Variants in GALNT13 observed in about 807,000 individuals in gnomAD.
GALNT13 encodes the protein UDP-GalNAc:polypeptide N-acetylgalactosaminyltransferase 13.
In GALNT13, 28 loss-of-function variants were observed where a neutral mutation model predicts 64.2. That is an observed-to-expected ratio of 0.44 (90% CI 0.32 to 0.60). GALNT13 has a LOEUF of 0.60. GALNT13 is among the 20% of genes least tolerant of loss of function. GALNT13 has a pLI of 0.05. For missense variants in GALNT13, 577 were observed against 669.8 expected (o/e 0.86, Z 1.53); for synonymous variants, 214 against 224.6 (o/e 0.95, Z 0.42).
At chr2:154,246,104 T>G (rs1689768999) in intron 7 of GALNT13, 122 bp downstream of exon 7, 7 of 557,486 alleles carry the variant, frequency 1.3e-5, no homozygotes, top group African/African-American at 1.9e-5. Flanking sequence ...TACATATACA[T>G]TATGACCTTT....
At chr2:153,645,923 A>T in the GALNT13 span, among the ~76,000 whole-genome samples, 2 of 152,122 alleles carry the variant, frequency 1.3e-5, no homozygotes, top group Admixed American at 1.3e-4. Context: ...TTTACACAAA[A>T]TGTTACTAAA....
chr2:153,759,076 A>G, the GALNT13 span, among the ~76,000 whole-genome samples: 3 of 152,110 alleles, frequency 2.0e-5, no homozygotes, highest in Non-Finnish European at 4.4e-5. Context: ...AATGAAATAT[A>G]TTTCTTCATT....
chr2:154,437,865 A>C (rs1475044699), intron 11 of GALNT13: 1 of 221,916 alleles, frequency 4.5e-6, no homozygotes, highest in Non-Finnish European at 9.4e-6. Context: ...AAAAAAAAAA[A>C]AAAAAACCCT....
the GALNT13 span, among the ~76,000 whole-genome samples, chr2:153,301,747 A>G: frequency 6.6e-6 from 1 of 152,074 alleles, no homozygotes; most frequent in African/African-American, 2.4e-5. Flanking sequence ...GTTCACACAT[A>G]AGTGAGGTTA....
chr2:154,050,243 T>C (rs566912023), intron 3 of GALNT13, among the ~76,000 whole-genome samples: 2 of 152,280 alleles, frequency 1.3e-5, no homozygotes, highest in South Asian at 4.1e-4. Context: ...GTGATGTGGA[T>C]GTACCTTCTA....
chr2:154,316,669 A>C (rs1420210754), intron 9 of GALNT13, among the ~76,000 whole-genome samples: 4 of 152,268 alleles, frequency 2.6e-5, no homozygotes, highest in African/African-American at 7.2e-5. Flanking sequence ...GCATCATAGC[A>C]TGGCAGAGGG....
chr2:153,891,203 G>C (rs944374644), intron 1 of GALNT13, among the ~76,000 whole-genome samples: 3 of 152,026 alleles, frequency 2.0e-5, no homozygotes, highest in Non-Finnish European at 4.4e-5. Flanking sequence ...GATTGCATAT[G>C]TACAGATAGG....
At chr2:154,007,452 G>T (rs985764064) in intron 3 of GALNT13, among the ~76,000 whole-genome samples, 3 of 151,922 alleles carry the variant, frequency 2.0e-5, no homozygotes, top group African/African-American at 7.2e-5. Context: ...GAAAGGTTGC[G>T]ATTATTCTGT....
At chr2:154,419,510 AAAT>A (rs570487998) in intron 11 of GALNT13, among the ~76,000 whole-genome samples, 2 of 152,264 alleles carry the variant, frequency 1.3e-5, no homozygotes, top group South Asian at 4.1e-4. Flanking sequence ...AGTGTTAGAA[AAAT>A]TGTCAATTCA....
chr2:153,797,447 A>G, the GALNT13 span, among the ~76,000 whole-genome samples: 1 of 152,182 alleles, frequency 6.6e-6, no homozygotes, highest in Non-Finnish European at 1.5e-5. Context: ...TTCACTTTAT[A>G]TGGGTCACAG....
the GALNT13 span, among the ~76,000 whole-genome samples, chr2:153,822,109 C>G: frequency 6.6e-6 from 1 of 152,012 alleles, no homozygotes; most frequent in Non-Finnish European, 1.5e-5. Context: ...ACCAGCCAAA[C>G]AGAGCTCTGG....
At chr2:154,229,179 A>G (rs960702413) in intron 4 of GALNT13, among the ~76,000 whole-genome samples, 1 of 152,038 alleles carries the variant, frequency 6.6e-6, no homozygotes, top group Non-Finnish European at 1.5e-5. Context: ...TAAACACCGG[A>G]CACATCTCTC....
chr2:154,168,003 G>T (rs981893403), intron 4 of GALNT13, among the ~76,000 whole-genome samples: 4 of 152,204 alleles, frequency 2.6e-5, no homozygotes, highest in Admixed American at 1.3e-4. Flanking sequence ...GCCAAGTCAG[G>T]TGGGGAGGGC....
chr2:153,325,314 G>A, the GALNT13 span, among the ~76,000 whole-genome samples: 1 of 151,866 alleles, frequency 6.6e-6, no homozygotes, highest in Non-Finnish European at 1.5e-5. Context: ...TTTGATGGTA[G>A]TTTGTATTTC....
the GALNT13 span, among the ~76,000 whole-genome samples, chr2:153,563,437 C>T: frequency 2.6e-5 from 4 of 152,054 alleles, no homozygotes; most frequent in South Asian, 8.3e-4. Flanking sequence ...TTATTTTCTT[C>T]CCATATATTT....
chr2:154,361,138 T>C (rs1236411037), intron 9 of GALNT13, among the ~76,000 whole-genome samples: 1 of 152,100 alleles, frequency 6.6e-6, no homozygotes, highest in African/African-American at 2.4e-5. Flanking sequence ...CAGCTTATTT[T>C]TGTCTGATAT....
chr2:154,084,061 G>A (rs1439777573), intron 3 of GALNT13, among the ~76,000 whole-genome samples: 1 of 151,778 alleles, frequency 6.6e-6, no homozygotes, highest in Non-Finnish European at 1.5e-5. Flanking sequence ...TAAAACAAAT[G>A]TACTTCTCAA....
chr2:153,201,081 C>G, the GALNT13 span, among the ~76,000 whole-genome samples: 1 of 152,182 alleles, frequency 6.6e-6, no homozygotes, highest in East Asian at 1.9e-4. Flanking sequence ...CCCGGAAATT[C>G]CCCGGTTTCT....
Position 153,945,613 on chromosome 2 carries a change from C to T in GALNT13, c.142+974C>T, listed in dbSNP as rs1265572990. Among the ~76,000 whole-genome samples, 3 of 152,024 alleles carry T rather than the reference C, an allele frequency of 2.0e-5. No homozygotes were observed. The East Asian group carries it at 5.8e-4, about 29-fold the overall frequency. ...AATATGATCTGCTTTTAATGTTATA[C>T]ATATTTTTGAGATATTTATTGAACA... On this transcript the variant is annotated intron_variant, in intron 3 of 12. Coordinates refer to ENST00000392825, the MANE Select transcript of GALNT13 (RefSeq NM_052917.4).
Sources: allele counts gnomAD v4.1 joint callset (sites outside exome capture counted in the v4.1 genomes callset), GRCh38; gene constraint gnomAD v4.1.1; transcripts MANE v1.5; gene names NCBI Gene and HGNC (gene_info 2026-07-23, HGNC 2026-07-21).